The following HPD variants were observed in gnomAD, a reference collection of about 807,000 sequenced individuals.
HPD encodes the protein 4-hydroxyphenylpyruvic acid oxidase.
In HPD, 35 loss-of-function variants were observed where a neutral mutation model predicts 56.9. The observed-to-expected ratio is 0.62, with a 90% CI of 0.47 to 0.82. The LOEUF is 0.82. Ranked by LOEUF, HPD falls within the 40% of genes least tolerant of loss-of-function variation. The pLI is 0.00. For synonymous variants in HPD, 186 were observed against 200.2 expected (o/e 0.93, Z 0.60); for missense variants, 442 against 506.8 (o/e 0.87, Z 1.23).
At chr12:121,880,754 C>T in the HPD span, among the ~76,000 whole-genome samples, 1 of 152,132 alleles carries the variant, frequency 6.6e-6, no homozygotes, top group East Asian at 1.9e-4. Flanking sequence ...GGCCTTCCAA[C>T]ATGCTAGGAT....
chr12:121,857,876 C>A, intron 2 of HPD, 57 bp from the exon 3 acceptor site: 2 of 1,389,220 alleles, frequency 1.4e-6, no homozygotes, highest in South Asian at 1.2e-5. Flanking sequence ...TAGAAAAGTG[C>A]GGGTGGAGTG....
chr12:121,868,120 T>G (rs1592928637), upstream of HPD, among the ~76,000 whole-genome samples: 1 of 151,986 alleles, frequency 6.6e-6, no homozygotes, highest in African/African-American at 2.4e-5. Context: ...GCCCAGGAGG[T>G]CAAGGCTGCA....
chr12:121,854,284 A>G (rs1877913850), intron 7 of HPD, among the ~76,000 whole-genome samples: 2 of 152,196 alleles, frequency 1.3e-5, no homozygotes, highest in Non-Finnish European at 2.9e-5. Context: ...AGGAAAACAA[A>G]AAGATACTGC....
intron 7 of HPD, among the ~76,000 whole-genome samples, chr12:121,852,362 G>T (rs1362139516): frequency 6.6e-6 from 1 of 151,734 alleles, no homozygotes; most frequent in Admixed American, 6.6e-5. Context: ...TAGAGATGGG[G>T]TCTCCCTATC....
chr12:121,846,604 C>T (rs1297845945), intron 11 of HPD, among the ~76,000 whole-genome samples: 1 of 152,198 alleles, frequency 6.6e-6, no homozygotes, highest in Admixed American at 6.5e-5. Context: ...ACTGGCAGAA[C>T]CGGGACCATC....
intron 9 of HPD, among the ~76,000 whole-genome samples, chr12:121,847,848 A>G (rs1286369073): frequency 6.6e-6 from 1 of 151,940 alleles, no homozygotes; most frequent in Non-Finnish European, 1.5e-5. Context: ...TATTTTTTGT[A>G]GAGATGGGGT....
chr12:121,885,848 C>A, the HPD span, among the ~76,000 whole-genome samples: 1 of 151,666 alleles, frequency 6.6e-6, no homozygotes, highest in South Asian at 2.1e-4. Flanking sequence ...GCCTGTAATC[C>A]CAGCTACTCG....
At chr12:121,871,959 G>A in the HPD span, among the ~76,000 whole-genome samples, 2 of 151,270 alleles carry the variant, frequency 1.3e-5, no homozygotes, top group Non-Finnish European at 2.9e-5. Context: ...CGGGCTGGGC[G>A]CGGTGGCTCA....
At chr12:121,843,573 T>A in intron 12 of HPD, 137 bp downstream of exon 12, 1 of 961,978 alleles carries the variant, frequency 1.0e-6, no homozygotes, top group East Asian at 2.6e-5. Flanking sequence ...TCCTCCCACA[T>A]AGACCCTAGA....
the HPD span, among the ~76,000 whole-genome samples, chr12:121,878,387 C>T: frequency 6.6e-6 from 1 of 152,120 alleles, no homozygotes; most frequent in African/African-American, 2.4e-5. Flanking sequence ...CTCACTCTGT[C>T]GCCCAGGCTG....
At chr12:121,877,809 G>A in the HPD span, among the ~76,000 whole-genome samples, 2 of 152,162 alleles carry the variant, frequency 1.3e-5, no homozygotes, top group South Asian at 2.1e-4. Flanking sequence ...CTCTGCCAAC[G>A]AGGGCAGTAA....
intron 11 of HPD, among the ~76,000 whole-genome samples, chr12:121,846,513 G>A (rs1387476804): frequency 1.3e-5 from 2 of 152,128 alleles, no homozygotes; most frequent in Non-Finnish European, 1.5e-5. Context: ...CACTGTGCCC[G>A]GCCCTAATTT....
chr12:121,877,051 G>A, the HPD span, among the ~76,000 whole-genome samples: 5 of 147,126 alleles, frequency 3.4e-5, no homozygotes, highest in Non-Finnish European at 5.9e-5. Flanking sequence ...CCAAGATTGC[G>A]TCACTGTACT....
At chr12:121,881,472 A>G in the HPD span, among the ~76,000 whole-genome samples, 1 of 152,034 alleles carries the variant, frequency 6.6e-6, no homozygotes, top group Non-Finnish European at 1.5e-5. Flanking sequence ...AGCAGCAGCT[A>G]TGTCCCTGTA....
chr12:121,861,284 C>T (rs1256695298), upstream of HPD, among the ~76,000 whole-genome samples: 1 of 148,070 alleles, frequency 6.8e-6, no homozygotes, highest in Non-Finnish European at 1.5e-5. Context: ...TGCAGTGAGC[C>T]GAGATCATGC....
chr12:121,856,561 C>A (rs1217986699), intron 5 of HPD, 22 bp downstream of exon 5: 1 of 1,613,640 alleles, frequency 6.2e-7, no homozygotes, highest in Non-Finnish European at 8.5e-7. Context: ...AGCCATGCGT[C>A]CACCCTCCCC....
upstream of HPD, among the ~76,000 whole-genome samples, chr12:121,865,708 G>T (rs1252189082): frequency 1.3e-5 from 2 of 151,988 alleles, no homozygotes; most frequent in Non-Finnish European, 2.9e-5. Context: ...ATAATCAAGA[G>T]GCTGGGTGTG....
At chr12:121,859,789 TC>T (rs1878128323), upstream of HPD, among the ~76,000 whole-genome samples, 1 of 152,228 alleles carries the variant, frequency 6.6e-6, no homozygotes, top group Non-Finnish European at 1.5e-5. Context: ...GGCAAGGTGG[TC>T]CCACCCCCTT....
chr12:121,858,852 G>A lies in HPD; in HGVS notation c.-29C>T. The A allele has an allele frequency of 1.2e-6, 2 of 1,613,944 alleles. No homozygotes were observed. Among genetic ancestry groups the A allele is most frequent in the Middle Eastern group, 1.6e-4 (1 of 6,062 alleles). ...TGATCTTAGTCAAACCTCCTACTGG[G>A]ACTAGAGGCCTGGGGAGTGCTGGGC... On this transcript the variant is annotated 5_prime_UTR_variant, in exon 1 of 14. Transcript: ENST00000289004.
Sources: gnomAD v4.1 joint callset for allele counts (sites outside exome capture counted in the v4.1 genomes callset) on GRCh38, gnomAD v4.1.1 for gene constraint, MANE v1.5 for transcripts, NCBI Gene and HGNC (gene_info 2026-07-23, HGNC 2026-07-21) for gene names.